Variants in ANKRD11 observed in about 807,000 individuals in gnomAD.
ANKRD11 encodes ankyrin repeat domain-containing protein 11.
In ANKRD11, 17 loss-of-function variants were observed where a neutral mutation model predicts 195.7. The ratio of observed to expected loss-of-function variants is 0.09; its 90% CI spans 0.06 to 0.13. The LOEUF is 0.13. Ranked by LOEUF, ANKRD11 falls within the 10% of genes least tolerant of loss-of-function variation. The pLI is 1.00. For missense variants in ANKRD11, 3,735 were observed against 3,566.1 expected (o/e 1.05, Z -1.21); for synonymous variants, 1,953 against 1,528.1 (o/e 1.28, Z -6.49).
At chr16:89,360,999 A>C (rs2039706036) in intron 2 of ANKRD11, among the ~76,000 whole-genome samples, 1 of 152,066 alleles carries the variant, frequency 6.6e-6, no homozygotes, top group South Asian at 2.1e-4. Context: ...GATGGATCCG[A>C]TCCAACTCAC....
intron 9 of ANKRD11, among the ~76,000 whole-genome samples, chr16:89,276,276 A>G (rs1389378722): frequency 1.3e-5 from 2 of 152,228 alleles, no homozygotes; most frequent in Non-Finnish European, 2.9e-5. Context: ...TAGCGGACAC[A>G]GGAGAGGGAG....
rs529354400 is a variant in ANKRD11, at chr16:89,342,302, G to A, written c.-59-25224C>T. Among the ~76,000 whole-genome samples the A allele has an allele frequency of 6.6e-5, 10 of 152,380 alleles. No homozygotes were observed. In the South Asian group the frequency reaches 2.1e-3, roughly 32 times the overall value. On this transcript the variant is annotated intron_variant, in intron 2 of 12. Coordinates refer to ENST00000301030, the MANE Select transcript of ANKRD11 (RefSeq NM_013275.6). ...GAATGAGAGCGGCAGCCCAGGCTCA[G>A]ACCTCAGAACCAGCTTCTATCTTTG...
chr16:89,348,551 A>C (rs2039051155), intron 2 of ANKRD11, among the ~76,000 whole-genome samples: 1 of 152,224 alleles, frequency 6.6e-6, no homozygotes, highest in Non-Finnish European at 1.5e-5. Flanking sequence ...TATAGTACAA[A>C]TGACCAAGTC....
intron 2 of ANKRD11, among the ~76,000 whole-genome samples, chr16:89,352,324 G>A (rs2039260289): frequency 6.6e-6 from 1 of 151,874 alleles, no homozygotes; most frequent in African/African-American, 2.4e-5. Flanking sequence ...AGCCCTGGGG[G>A]AAGGCAAGTC....
intron 1 of ANKRD11, among the ~76,000 whole-genome samples, chr16:89,480,486 G>GA (rs892763240): frequency 3.5e-4 from 52 of 147,072 alleles, no homozygotes; most frequent in Non-Finnish European, 7.1e-4. Context: ...CAAAAAAAAA[G>GA]AAAAAAAAAA....
intron 2 of ANKRD11, among the ~76,000 whole-genome samples, chr16:89,349,988 C>T (rs936589401): frequency 2.0e-5 from 3 of 151,446 alleles, no homozygotes; most frequent in Non-Finnish European, 4.4e-5. Context: ...AGCAGACAAC[C>T]CGATTTTTAG....
intron 4 of ANKRD11, among the ~76,000 whole-genome samples, chr16:89,304,413 C>T (rs374941885): frequency 1.1e-4 from 17 of 151,368 alleles, no homozygotes; most frequent in African/African-American, 4.1e-4. Flanking sequence ...CACACATGAG[C>T]GCACATATAT....
chr16:89,441,174 C>T (rs146183312), intron 1 of ANKRD11, among the ~76,000 whole-genome samples: 18 of 151,410 alleles, frequency 1.2e-4, no homozygotes, highest in East Asian at 2.0e-4. Flanking sequence ...AGGCAGAGAT[C>T]GCAGTGAGCC....
At chr16:89,345,201 A>G (rs2038879516) in intron 2 of ANKRD11, among the ~76,000 whole-genome samples, 1 of 152,144 alleles carries the variant, frequency 6.6e-6, no homozygotes, top group Non-Finnish European at 1.5e-5. Flanking sequence ...TCCAAACTGT[A>G]AAGATGGAAA....
At chr16:89,397,744 C>T (rs1436991616) in intron 2 of ANKRD11, among the ~76,000 whole-genome samples, 1 of 152,230 alleles carries the variant, frequency 6.6e-6, no homozygotes, top group African/African-American at 2.4e-5. Context: ...GCAGAAGCCT[C>T]TCCTCTGAGC....
Position 89,281,283 on chromosome 16 carries a change from G to T in ANKRD11, c.5259C>A (p.Thr1753=), listed in dbSNP as rs1264926805. Residue 1753 remains threonine (T), a synonymous_variant, in exon 9 of 13, where the codon ACC becomes ACA. Transcript: ENST00000301030. This position sits in a 1 kb window ranked among gnomAD's most constrained non-coding sequence, Gnocchi z 5.5. ...QHSTPVPTAP[T]SACSPSFFDR... is the part of the protein sequence containing the mutation. ...CGAAAAAGGAGGGGGAGCAGGCGCT[G>T]GTGGGAGCGGTGGGCACGGGCGTGG... 6.2e-7 allele frequency: 1 copy of T among 1,614,132 alleles called. No homozygotes were observed. Among genetic ancestry groups the T allele is most frequent in the African/African-American group, 1.3e-5 (1 of 74,948 alleles).
At chr16:89,480,775 C>A (rs980586620) in intron 1 of ANKRD11, among the ~76,000 whole-genome samples, 4 of 152,142 alleles carry the variant, frequency 2.6e-5, no homozygotes, top group Admixed American at 6.5e-5. Context: ...TCTGCCTTGG[C>A]CATTAAAGTC....
intron 2 of ANKRD11, among the ~76,000 whole-genome samples, chr16:89,411,569 A>C (rs2042112292): frequency 6.6e-6 from 1 of 151,770 alleles, no homozygotes; most frequent in African/African-American, 2.4e-5. Context: ...ACACACAACC[A>C]CGCCTGGCTA....
chr16:89,365,334 G>C (rs892118112), intron 2 of ANKRD11, among the ~76,000 whole-genome samples: 3 of 152,198 alleles, frequency 2.0e-5, no homozygotes, highest in African/African-American at 4.8e-5. Context: ...CAGAGGCAGA[G>C]CTCTCACCTT....
In ANKRD11 at chr16:89,279,808, G is replaced by C. The variant is rs2151733996; in HGVS notation, c.6734C>G (p.Pro2245Arg). 23 of 1,541,698 alleles carry C rather than the reference G, an allele frequency of 1.5e-5. No individual in the cohort carries two copies. The highest frequency in any genetic ancestry group is 2.0e-5 in the Non-Finnish European group (23 of 1,147,230). ...PDSSVEPAPV[P>R]PEQRPLGSGD... ...GCTCCCCAGTGGGCGCTGTTCTGGG[G>C]GAACGGGCGCGGGCTCCACGCTGGA... The change falls in exon 9 of 13, where the codon CCC (proline) becomes CGC (arginine). Residue 2245 changes from proline to arginine, a missense_variant. Transcript: ENST00000301030. The surrounding 1 kb of genome is among the most constrained non-coding windows in gnomAD (Gnocchi z 5.6).
intron 3 of ANKRD11, among the ~76,000 whole-genome samples, chr16:89,316,555 C>A (rs2036969112): frequency 6.6e-6 from 1 of 152,214 alleles, no homozygotes; most frequent in Non-Finnish European, 1.5e-5. Flanking sequence ...TTAGAATAAA[C>A]CACAGTTGGA....
At chr16:89,311,858 A>T (rs566950828) in intron 3 of ANKRD11, among the ~76,000 whole-genome samples, 1 of 152,110 alleles carries the variant, frequency 6.6e-6, no homozygotes, top group East Asian at 1.9e-4. Flanking sequence ...TTTTTGCTTT[A>T]TTCTAATAAT....
chr16:89,476,609 C>A (rs1243506953), intron 1 of ANKRD11, among the ~76,000 whole-genome samples: 1 of 152,202 alleles, frequency 6.6e-6, no homozygotes, highest in Non-Finnish European at 1.5e-5. Flanking sequence ...GCTCTGCAGC[C>A]TGGCAGTTAC....
rs368640523 is a variant in ANKRD11 at position 89,429,102 on chromosome 16, A to G, written c.-144-10734T>C. 2.1e-3 allele frequency among the ~76,000 whole-genome samples: 320 copies of G among 149,162 alleles called. 1 individual carries two copies. The highest frequency in any genetic ancestry group is 6.8e-3 in the African/African-American group (272 of 39,966). ...CTGCAGCGTGGGATTCTCAACTCTC[A>G]CGCTCAGACGTTCTAGTACACAGCA... On this transcript the variant is annotated intron_variant, in intron 1 of 12. Transcript: ENST00000301030.
Sources: allele counts gnomAD v4.1 joint callset (sites outside exome capture counted in the v4.1 genomes callset), GRCh38; gene constraint gnomAD v4.1.1; non-coding constraint Gnocchi (gnomAD v3.1); transcripts MANE v1.5; gene names NCBI Gene and HGNC (gene_info 2026-07-23, HGNC 2026-07-21).